RAB11FIP1: variants seen among roughly 807,000 people sequenced by gnomAD.
RAB11FIP1 encodes the protein RAB11 family interacting protein 1.
A neutral mutation model predicts 83.1 loss-of-function variants in RAB11FIP1; 49 were observed. The ratio of observed to expected loss-of-function variants is 0.59; its 90% CI spans 0.47 to 0.75. The LOEUF is 0.75. Ranked by LOEUF, RAB11FIP1 falls within the 30% of genes least tolerant of loss-of-function variation. RAB11FIP1 has a pLI of 0.00. For synonymous variants in RAB11FIP1, 670 were observed against 656.0 expected (o/e 1.02, Z -0.33); for missense variants, 1,536 against 1,598.7 (o/e 0.96, Z 0.67).
intron 2 of RAB11FIP1, among the ~76,000 whole-genome samples, chr8:37,876,247 A>AAGGT (rs1806606255): frequency 6.6e-6 from 1 of 151,050 alleles, no homozygotes; most frequent in African/African-American, 2.4e-5. Flanking sequence ...GGAAGGAAGG[A>AAGGT]AGGAAGGAAG....
chr8:37,862,699 T>C lies in RAB11FIP1; in HGVS notation c.*196A>G. ...ACAGTGGCATTTAAAACTAAAGCCT[T>C]GGGAATGTACAGTAAAAGATTAATT... is the stretch of plus-strand genomic sequence containing the variant. On this transcript the variant is annotated 3_prime_UTR_variant, in exon 6 of 6. Transcript: ENST00000330843. The C allele has an allele frequency of 1.8e-6, 1 of 550,284 alleles. No individual in the cohort carries two copies. Among genetic ancestry groups the C allele is most frequent in the Non-Finnish European group, 3.3e-6 (1 of 307,314 alleles). 34.1% of individuals were successfully genotyped at this position (550,284 alleles called of 1,614,324 possible). A position where few individuals can be genotyped will look rare whatever the true frequency, so the allele number is the denominator to read the frequency against.
intron 1 of RAB11FIP1, among the ~76,000 whole-genome samples, chr8:37,898,635 G>A (rs927737522): frequency 7.4e-6 from 1 of 135,230 alleles, no homozygotes; most frequent in Non-Finnish European, 1.6e-5. Context: ...CCTGGCGACA[G>A]AGTGAGACTC....
intron 1 of RAB11FIP1, chr8:37,878,095 T>C (rs905820806): frequency 6.6e-6 from 1 of 152,546 alleles, no homozygotes; most frequent in East Asian, 1.9e-4. Flanking sequence ...AGACACGCGC[T>C]AGACAAAGAT....
chr8:37,866,589 G>A (rs1382380387), intron 5 of RAB11FIP1, among the ~76,000 whole-genome samples: 2 of 151,144 alleles, frequency 1.3e-5, no homozygotes, highest in African/African-American at 2.4e-5. Flanking sequence ...ATTTTAAAAC[G>A]GAAATGTTAA....
intron 1 of RAB11FIP1, among the ~76,000 whole-genome samples, chr8:37,888,762 C>T (rs1336074451): frequency 6.6e-6 from 1 of 151,640 alleles, no homozygotes; most frequent in Admixed American, 6.6e-5. Flanking sequence ...ACCACTGCAC[C>T]CAGCCCCTCA....
Position 37,899,198 on chromosome 8 carries a change from G to T in RAB11FIP1, c.244C>A (p.Pro82Thr), listed in dbSNP as rs1807163614. 2 of 1,570,164 alleles carry T rather than the reference G, an allele frequency of 1.3e-6. No individual in the cohort carries two copies. Among genetic ancestry groups the T allele is most frequent in the South Asian group, 1.1e-5 (1 of 87,368 alleles). ...FELPSLLSSG[P>T]AAAATLQLTV... ...AGCTGCAGGGTGGCGGCGGCCGCGG[G>T]TCCGGAGGACAGCAGCGATGGCAGC... is the stretch of plus-strand genomic sequence containing the variant. The change falls in exon 1 of 6, where the codon CCC (proline) becomes ACC (threonine). Residue 82 changes from proline (P) to threonine (T), a missense_variant. Pro to Thr is a conservative substitution (Grantham distance 38). Transcript: ENST00000330843. The surrounding 1 kb of genome is among the most constrained non-coding windows in gnomAD (Gnocchi z 4.5).
Position 37,872,827 on chromosome 8 carries a change from GCT to G in RAB11FIP1, c.1973_1974del (p.Gln658ProfsTer7), listed in dbSNP as rs1211342050. The G allele has an allele frequency of 6.2e-7, 1 of 1,614,196 alleles. No individual in the cohort carries two copies. Among genetic ancestry groups the G allele is most frequent in the African/African-American group, 1.3e-5 (1 of 75,038 alleles). ...GTCCCTTTATTTGCTGGAAAGGATG[GCT>G]GTTTGAAAAGTGATCCCAGGGCAGA... is the stretch of plus-strand genomic sequence containing the variant. ...GSSALGSLFK[Q>X]PSFPANKGTE... is the part of the protein sequence containing the mutation. On this transcript the variant is annotated frameshift_variant, in exon 4 of 6. Transcript: ENST00000330843. LOFTEE classifies it high-confidence loss of function.
chr8:37,876,214 A>AAAGT (rs1806604667), intron 2 of RAB11FIP1, among the ~76,000 whole-genome samples: 1 of 128,292 alleles, frequency 7.8e-6, no homozygotes, highest in African/African-American at 3.1e-5. Context: ...GAAAAGAAAG[A>AAAGT]AAGGAAGGAA....
chr8:37,883,729 G>A (rs1177867927), intron 1 of RAB11FIP1, among the ~76,000 whole-genome samples: 1 of 152,062 alleles, frequency 6.6e-6, no homozygotes, highest in Non-Finnish European at 1.5e-5. Context: ...AAATAATAAA[G>A]TCCCAGCCTA....
intron 1 of RAB11FIP1, among the ~76,000 whole-genome samples, chr8:37,887,282 G>A (rs373187898): frequency 3.3e-5 from 5 of 152,280 alleles, no homozygotes; most frequent in African/African-American, 1.2e-4. Context: ...TGTAATCCCA[G>A]CACATTGGGA....
Position 37,875,248 on chromosome 8 carries a change from C to T in RAB11FIP1, c.889G>A (p.Glu297Lys), listed in dbSNP as rs769971888. ...NQVNFTLPKK[E>K]GLSFLGGLRS... Reference sequence around the variant, plus strand: ...AGGCCACCAAGAAAGGAAAGTCCTTCCTTCTTGGGAAGGGTAAAGTTGACC... The same window carrying T: ...AGGCCACCAAGAAAGGAAAGTCCTTTCTTCTTGGGAAGGGTAAAGTTGACC... The change falls in exon 3 of 6, where the codon GAA becomes AAA. Residue 297 changes from glutamate to lysine, a missense_variant. Coordinates refer to ENST00000330843, the MANE Select transcript of RAB11FIP1 (RefSeq NM_001002814.3). 6.2e-7 allele frequency: 1 copy of T among 1,614,054 alleles called. No individual in the cohort carries two copies. The highest frequency in any genetic ancestry group is 1.1e-5 in the South Asian group (1 of 91,064).
intron 1 of RAB11FIP1, among the ~76,000 whole-genome samples, chr8:37,893,783 G>A (rs559984639): frequency 6.6e-6 from 1 of 151,278 alleles, no homozygotes; most frequent in Non-Finnish European, 1.5e-5. Flanking sequence ...GTGAGACCCT[G>A]TCTCCAAAAA....
intron 1 of RAB11FIP1, among the ~76,000 whole-genome samples, chr8:37,888,482 T>A (rs960498315): frequency 1.3e-4 from 19 of 151,402 alleles, no homozygotes; most frequent in African/African-American, 2.9e-4. Flanking sequence ...AAAAAAAAAA[T>A]GTATTTGTTT....
chr8:37,873,109 G>C lies in RAB11FIP1; in HGVS notation c.1693C>G (p.Pro565Ala). 1 of 1,613,422 alleles carries C rather than the reference G, an allele frequency of 6.2e-7. No individual in the cohort carries two copies. ...PSPTDSPSSLPPLPSSSGQAS... is the reference protein window; with the variant it reads ...PSPTDSPSSLAPLPSSSGQAS... ...TGGCCAGAGCTAGAAGGAAGAGGAGGAAGAGAGGAAGGGGAGTCAGTAGGG... is the reference window on the plus strand; with the variant it reads ...TGGCCAGAGCTAGAAGGAAGAGGAGCAAGAGAGGAAGGGGAGTCAGTAGGG... The change falls in exon 4 of 6, where the codon CCT becomes GCT. Residue 565 changes from proline (P) to alanine (A), a missense_variant. By Grantham distance (27) the Pro-to-Ala change is conservative. Transcript: ENST00000330843.
chr8:37,894,113 G>A (rs1427910718), intron 1 of RAB11FIP1, among the ~76,000 whole-genome samples: 1 of 152,134 alleles, frequency 6.6e-6, no homozygotes, highest in Non-Finnish European at 1.5e-5. Context: ...TTCCAGTAAG[G>A]CTCAATATTA....
intron 1 of RAB11FIP1, among the ~76,000 whole-genome samples, chr8:37,896,907 C>T (rs1807100211): frequency 6.6e-6 from 1 of 152,190 alleles, no homozygotes; most frequent in Non-Finnish European, 1.5e-5. Flanking sequence ...GAGATGTGAT[C>T]TACCTCTCAA....
rs1451371993 is a variant in RAB11FIP1, at chr8:37,877,315, T to C, written c.608A>G (p.Asp203Gly). ...CTTGTCTTTAACCACAGACTCATCA[T>C]CACTGTCGACCGAAGGTGTCGTGCT... Reference protein sequence around the residue: ...IPSTTPSVDSDDESVVKDKKK... With the variant: ...IPSTTPSVDSGDESVVKDKKK... The change falls in exon 2 of 6, where the codon GAT (aspartate) becomes GGT (glycine). Residue 203 changes from aspartate to glycine, a missense_variant. Coordinates refer to ENST00000330843, the MANE Select transcript of RAB11FIP1 (RefSeq NM_001002814.3). The C allele has an allele frequency of 8.1e-6, 13 of 1,614,078 alleles. No homozygotes were observed. The highest frequency in any genetic ancestry group is 1.1e-5 in the Non-Finnish European group (13 of 1,180,024).
At position 37,861,521 on chromosome 8, in the gene RAB11FIP1, T is replaced by C. The variant is rs771581756; in HGVS notation, c.*1374A>G. On this transcript the variant is annotated 3_prime_UTR_variant, in exon 6 of 6. Coordinates refer to ENST00000330843, the MANE Select transcript of RAB11FIP1 (RefSeq NM_001002814.3). The stretch of plus-strand genomic sequence containing the variant: ...TTGGGGTCCAATCCATGGTCTCCTG[T>C]CCCCTGTAGAGTGAAGGGGCTTCTT... 1 of 437,852 alleles carries C rather than the reference T, an allele frequency of 2.3e-6. No individual in the cohort carries two copies. Among genetic ancestry groups the C allele is most frequent in the African/African-American group, 2.1e-5 (1 of 48,250 alleles). The allele number at this position is 437,852 out of a possible 1,614,324, so 27.1% of individuals were successfully genotyped here.
chr8:37,869,166 T>A (rs1046067928), intron 5 of RAB11FIP1, among the ~76,000 whole-genome samples: 1 of 147,690 alleles, frequency 6.8e-6, no homozygotes, highest in African/African-American at 2.5e-5. Context: ...AGGTCGAGGC[T>A]ATGATGAGCC....
Sources: gnomAD v4.1 joint callset for allele counts (sites outside exome capture counted in the v4.1 genomes callset) on GRCh38, gnomAD v4.1.1 for gene constraint, Gnocchi (gnomAD v3.1) non-coding constraint, MANE v1.5 for transcripts, NCBI Gene and HGNC (gene_info 2026-07-23, HGNC 2026-07-21) for gene names.